Variants in CFAP20DC observed in about 807,000 individuals in gnomAD.
The protein encoded by CFAP20DC is CFAP20 domain containing.
Under a neutral mutation model 101.7 loss-of-function variants are expected in CFAP20DC, and 84 were observed. The ratio of observed to expected loss-of-function variants is 0.83; its 90% CI spans 0.69 to 0.99. CFAP20DC has a LOEUF of 0.99. Ranked by LOEUF, CFAP20DC falls within the 50% of genes least tolerant of loss-of-function variation. The pLI is 0.00. For missense variants in CFAP20DC, 1,007 were observed against 970.3 expected (o/e 1.04, Z -0.50); for synonymous variants, 359 against 351.2 (o/e 1.02, Z -0.25).
intron 6 of CFAP20DC, among the ~76,000 whole-genome samples, chr3:58,907,216 C>T (rs901781311): frequency 6.6e-6 from 1 of 152,006 alleles, no homozygotes; most frequent in Non-Finnish European, 1.5e-5. Flanking sequence ...TCTGATTTGA[C>T]AAATTTATAT....
At chr3:58,798,162 G>A (rs926800884) in intron 15 of CFAP20DC, among the ~76,000 whole-genome samples, 12 of 142,906 alleles carry the variant, frequency 8.4e-5, no homozygotes, top group African/African-American at 3.3e-4. Flanking sequence ...GTAAGGCTAT[G>A]GCTGCCATAG....
At chr3:58,800,048 G>A (rs1219852023) in intron 15 of CFAP20DC, among the ~76,000 whole-genome samples, 1 of 152,146 alleles carries the variant, frequency 6.6e-6, no homozygotes, top group African/African-American at 2.4e-5. Flanking sequence ...CGAGCAAGGT[G>A]CTCAGTGGTG....
chr3:58,748,008 C>T (rs1279865267), intron 16 of CFAP20DC, among the ~76,000 whole-genome samples: 1 of 152,088 alleles, frequency 6.6e-6, no homozygotes, highest in African/African-American at 2.4e-5. Context: ...GTACATTACC[C>T]CTTTTGTAAA....
rs770658123 is a variant in CFAP20DC, at chr3:58,724,007, G to C, written c.198-6379C>G. ...GTGGATAGAGGACAAACATTCATTC[G>C]CTGGTCTCTGTTCTTGGGGAAGTAA... On this transcript the variant is annotated intron_variant, in intron 3 of 3. Coordinates refer to the CFAP20DC transcript ENST00000486145. The surrounding 1 kb of genome is among the most constrained non-coding windows in gnomAD (Gnocchi z 5.6). Among the ~76,000 whole-genome samples, 1 of 152,138 alleles carries C rather than the reference G, an allele frequency of 6.6e-6. No individual in the cohort carries two copies. Among genetic ancestry groups the C allele is most frequent in the Non-Finnish European group, 1.5e-5 (1 of 68,030 alleles).
chr3:58,945,397 TTGTGTGTA>T lies in CFAP20DC; in HGVS notation c.279-7643_279-7636del, dbSNP rs569137716. Among the ~76,000 whole-genome samples, 15 of 152,380 alleles carry T rather than the reference TTGTGTGTA, an allele frequency of 9.8e-5. No homozygotes were observed. In the East Asian group the frequency reaches 2.1e-3, roughly 22 times the overall value. On this transcript the variant is annotated intron_variant, in intron 4 of 16. Transcript: ENST00000482387. ...AATGGACACAGTTCATGTTTACCTTTTGTGTGTATGTGTGTATGAGATTATCTTCTTTC... is the reference window on the plus strand; with the variant it reads ...AATGGACACAGTTCATGTTTACCTTTTGTGTGTATGAGATTATCTTCTTTC...
intron 7 of CFAP20DC, among the ~76,000 whole-genome samples, chr3:58,878,283 G>C (rs1025853739): frequency 6.6e-6 from 1 of 152,130 alleles, no homozygotes; most frequent in Non-Finnish European, 1.5e-5. Flanking sequence ...GACACTTTTT[G>C]AAAGGCAATA....
intron 14 of CFAP20DC, among the ~76,000 whole-genome samples, chr3:58,813,139 T>C (rs767806210): frequency 2.6e-5 from 4 of 151,770 alleles, no homozygotes; most frequent in Admixed American, 6.6e-5. Flanking sequence ...CAACCTCAAG[T>C]ACTGATCAAT....
At position 58,742,252 on chromosome 3, in the gene CFAP20DC, A is replaced by C. The variant is rs1693904284; in HGVS notation, c.*208T>G. 1 of 1,123,066 alleles carries C rather than the reference A, an allele frequency of 8.9e-7. No individual in the cohort carries two copies. The highest frequency in any genetic ancestry group is 1.6e-5 in the African/African-American group (1 of 61,942). The allele number at this position is 1,123,066 out of a possible 1,614,324, so 69.6% of individuals were successfully genotyped here. On this transcript the variant is annotated 3_prime_UTR_variant, in exon 17 of 17. Coordinates refer to ENST00000482387, the MANE Select transcript of CFAP20DC (RefSeq NM_001394063.1). ...CTCCTAAAATCTTGCCTCTGTATTA[A>C]TTTCTTCAGTTTCAAAATCATACTC...
chr3:58,950,766 T>C (rs536417538), intron 4 of CFAP20DC, among the ~76,000 whole-genome samples: 1 of 152,310 alleles, frequency 6.6e-6, no homozygotes, highest in South Asian at 2.1e-4. Flanking sequence ...TAATTCAAGA[T>C]GGATTAAGGA....
At chr3:58,843,512 G>A (rs2108222206) in intron 13 of CFAP20DC, among the ~76,000 whole-genome samples, 1 of 151,888 alleles carries the variant, frequency 6.6e-6, no homozygotes, top group African/African-American at 2.4e-5. Flanking sequence ...ATGGGACTAT[G>A]TGAAAAGACC....
intron 7 of CFAP20DC, among the ~76,000 whole-genome samples, chr3:58,879,881 TA>T (rs1417883814): frequency 2.8e-4 from 42 of 152,088 alleles, no homozygotes; most frequent in African/African-American, 9.9e-4. Context: ...ATTTCCCTAT[TA>T]AACCATAAAC....
At position 58,897,714 on chromosome 3, in the gene CFAP20DC, C is replaced by A. The variant is rs1325036984; in HGVS notation, c.551-13005G>T. Among the ~76,000 whole-genome samples, 1 of 152,176 alleles carries A rather than the reference C, an allele frequency of 6.6e-6. No individual in the cohort carries two copies. Among genetic ancestry groups the A allele is most frequent in the Non-Finnish European group, 1.5e-5 (1 of 68,038 alleles). ...GAATGTTGAATTTGTTTCCCAATCT[C>A]TTCTGGCTTGTAGGGTTTCTGCTGG... On this transcript the variant is annotated intron_variant, in intron 6 of 16. Transcript: ENST00000482387. The surrounding 1 kb of genome is among the most constrained non-coding windows in gnomAD (Gnocchi z 4.4).
chr3:58,958,049 T>C (rs2090799660), intron 4 of CFAP20DC, among the ~76,000 whole-genome samples: 1 of 152,204 alleles, frequency 6.6e-6, no homozygotes. Context: ...AATAACCTAG[T>C]TTCCATGATG....
At chr3:58,872,537 G>T (rs1190791645) in intron 7 of CFAP20DC, among the ~76,000 whole-genome samples, 3 of 152,186 alleles carry the variant, frequency 2.0e-5, no homozygotes, top group Non-Finnish European at 4.4e-5. Flanking sequence ...GCAAGGGCTA[G>T]ATTGCTGAAG....
At chr3:58,805,785 A>G (rs2074011019) in intron 15 of CFAP20DC, among the ~76,000 whole-genome samples, 1 of 152,222 alleles carries the variant, frequency 6.6e-6, no homozygotes, top group Non-Finnish European at 1.5e-5. Context: ...TCAAATTCAG[A>G]TCCACTTGTT....
chr3:58,915,622 A>G (rs1273598549), intron 5 of CFAP20DC, among the ~76,000 whole-genome samples: 1 of 152,096 alleles, frequency 6.6e-6, no homozygotes, highest in Non-Finnish European at 1.5e-5. Context: ...GAAGGCAGAC[A>G]TGTGGTATCT....
chr3:58,758,904 A>G (rs1200997274), intron 15 of CFAP20DC, among the ~76,000 whole-genome samples: 2 of 152,118 alleles, frequency 1.3e-5, no homozygotes, highest in African/African-American at 4.8e-5. Context: ...TCCATGGTGT[A>G]TATGTGCCAC....
Position 58,808,099 on chromosome 3 carries a change from G to C in CFAP20DC, c.2176-1643C>G, listed in dbSNP as rs1261909998. 2.0e-5 allele frequency among the ~76,000 whole-genome samples: 3 copies of C among 152,224 alleles called. No homozygotes were observed. The East Asian group carries it at 5.8e-4, about 29-fold the overall frequency. On this transcript the variant is annotated intron_variant, in intron 14 of 16. Transcript: ENST00000482387. ...AAATCTATGTATGATTGGTGTACTT[G>C]AAAGTGACAGGGAGAATGGAACCAA...
rs189650877 is a variant in CFAP20DC, at chr3:58,721,688, G to A, written c.198-4060C>T. Among the ~76,000 whole-genome samples, 5 of 152,290 alleles carry A rather than the reference G, an allele frequency of 3.3e-5. No individual in the cohort carries two copies. Among genetic ancestry groups the A allele is most frequent in the Admixed American group, 3.3e-4 (5 of 15,300 alleles). On this transcript the variant is annotated intron_variant, in intron 3 of 3. Transcript: ENST00000486145. The surrounding 1 kb of genome is among the most constrained non-coding windows in gnomAD (Gnocchi z 5.2). ...GGGAGGGGGAGGACTGTATCCCACA[G>A]GACTTGGATGGCCACGATGCACAGC...
Sources: gnomAD v4.1 joint callset for allele counts (sites outside exome capture counted in the v4.1 genomes callset) on GRCh38, gnomAD v4.1.1 for gene constraint, Gnocchi (gnomAD v3.1) non-coding constraint, MANE v1.5 for transcripts, NCBI Gene and HGNC (gene_info 2026-07-23, HGNC 2026-07-21) for gene names.